Variants in ALK observed in about 807,000 individuals in gnomAD.
The protein encoded by ALK is ALK tyrosine kinase receptor.
In ALK, 74 loss-of-function variants were observed where a neutral mutation model predicts 163.1. The observed-to-expected ratio is 0.45, with a 90% CI of 0.38 to 0.55. The LOEUF (loss-of-function observed/expected upper bound fraction) is 0.55. Among genes scored for constraint, ALK ranks in the 20% least tolerant of loss-of-function variants. The pLI is 0.00. For synonymous variants in ALK, 960 were observed against 843.2 expected, an observed-to-expected ratio of 1.14 and a Z score of -2.40; for missense variants, 2,063 against 2,105.3, an observed-to-expected ratio of 0.98 and a Z score of 0.39.
intron 1 of ALK, among the ~76,000 whole-genome samples, chr2:29,796,231 C>T (rs1248301357): frequency 6.6e-6 from 1 of 152,156 alleles, no homozygotes; most frequent in Admixed American, 6.5e-5. Flanking sequence ...GTCTCTGTGG[C>T]TGTCTTCTTA....
chr2:29,497,707 G>T (rs1345586372), intron 4 of ALK, among the ~76,000 whole-genome samples: 6 of 152,204 alleles, frequency 3.9e-5, no homozygotes, highest in Non-Finnish European at 5.9e-5. Context: ...TTCCTTTTAG[G>T]TTCAATATTC....
chr2:29,680,068 A>G (rs999594341), intron 3 of ALK, among the ~76,000 whole-genome samples: 4 of 152,032 alleles, frequency 2.6e-5, no homozygotes, highest in African/African-American at 4.8e-5. Flanking sequence ...AATCATTTCA[A>G]TATTCCCTGT....
chr2:29,586,071 C>T (rs1429489452), intron 3 of ALK, among the ~76,000 whole-genome samples: 1 of 152,114 alleles, frequency 6.6e-6, no homozygotes, highest in South Asian at 2.1e-4. Context: ...TGTGTTATTA[C>T]AGTTAAAACC....
chr2:29,625,137 G>A (rs1251217338), intron 3 of ALK, among the ~76,000 whole-genome samples: 1 of 152,170 alleles, frequency 6.6e-6, no homozygotes, highest in East Asian at 1.9e-4. Context: ...AGCATCTGTA[G>A]CTATCCATTA....
intron 1 of ALK, among the ~76,000 whole-genome samples, chr2:29,730,304 T>G (rs1161079465): frequency 6.6e-6 from 1 of 152,172 alleles, no homozygotes; most frequent in Non-Finnish European, 1.5e-5. Flanking sequence ...TCTGCTCTGG[T>G]AGGCACCTTG....
At chr2:29,772,912 C>G (rs1681065959) in intron 1 of ALK, among the ~76,000 whole-genome samples, 2 of 152,192 alleles carry the variant, frequency 1.3e-5, no homozygotes, top group Non-Finnish European at 2.9e-5. Flanking sequence ...ACAAGGACTT[C>G]TGTGTAGGGG....
In ALK at chr2:29,251,008, A is replaced by G. The variant is rs1307870451; in HGVS notation, c.2204+97T>C. 3.4e-5 allele frequency: 45 copies of G among 1,313,970 alleles called. No individual in the cohort carries two copies. In the East Asian group the frequency reaches 1.0e-3, roughly 30 times the overall value. 81.4% of individuals were successfully genotyped at this position (1,313,970 alleles called of 1,614,324 possible). On this transcript the variant is annotated intron_variant, in intron 12 of 28. Coordinates refer to ENST00000389048, the MANE Select transcript of ALK (RefSeq NM_004304.5). ...GAGTCTGTTGCCTTTGAACCTTGACATGCCTGGGCACCCCAGGAACATGCA... is the reference window on the plus strand; with the variant it reads ...GAGTCTGTTGCCTTTGAACCTTGACGTGCCTGGGCACCCCAGGAACATGCA...
intron 2 of ALK, among the ~76,000 whole-genome samples, chr2:29,705,256 TATATATATATATATATATATATATAA>T (rs1449569841): frequency 0.016 from 742 of 45,144 alleles, 29 homozygotes; most frequent in African/African-American, 0.083. Context: ...TATATATATA[TATATATATATATATATATATATATAA>T]ATATATATCT....
intron 1 of ALK, among the ~76,000 whole-genome samples, chr2:29,844,811 G>T (rs1222400073): frequency 6.6e-6 from 1 of 151,748 alleles, no homozygotes; most frequent in Non-Finnish European, 1.5e-5. Flanking sequence ...GTTGCTAGCA[G>T]CAGAGATGAG....
At chr2:29,906,585 A>G (rs943055436) in intron 1 of ALK, among the ~76,000 whole-genome samples, 3 of 152,212 alleles carry the variant, frequency 2.0e-5, no homozygotes, top group Non-Finnish European at 4.4e-5. Flanking sequence ...AGTAAAAGAC[A>G]TAAGACAGAG....
intron 5 of ALK, among the ~76,000 whole-genome samples, chr2:29,346,144 C>T (rs1200468014): frequency 2.6e-5 from 4 of 152,318 alleles, no homozygotes; most frequent in South Asian, 2.1e-4. Flanking sequence ...TACATTCTGA[C>T]GACCCCAATT....
chr2:29,197,681 G>A lies in ALK; in HGVS notation c.3939-5C>T, dbSNP rs1573084845. 5 of 1,613,198 alleles carry A rather than the reference G, an allele frequency of 3.1e-6. No individual in the cohort carries two copies. The highest frequency in any genetic ancestry group is 1.1e-5 in the South Asian group (1 of 91,036). ...CATAGCAGCACTCCAAAGGACCTGG[G>A]CATGGGACAGAGGACATGGAGATGG... On this transcript the variant is annotated splice_region_variant and splice_polypyrimidine_tract_variant and intron_variant, in intron 26 of 28. Coordinates refer to ENST00000389048, the MANE Select transcript of ALK (RefSeq NM_004304.5).
chr2:29,216,511 C>T (rs763041209), intron 23 of ALK, among the ~76,000 whole-genome samples: 1 of 152,118 alleles, frequency 6.6e-6, no homozygotes, highest in African/African-American at 2.4e-5. Flanking sequence ...TGTTATGGCC[C>T]CCTGTCCTTG....
At chr2:29,244,217 G>C (rs1664595043) in intron 12 of ALK, among the ~76,000 whole-genome samples, 1 of 152,128 alleles carries the variant, frequency 6.6e-6, no homozygotes, top group South Asian at 2.1e-4. Flanking sequence ...TCCTGCTCTG[G>C]GCTCTGCCTT....
At chr2:29,732,246 G>A (rs1260091595) in intron 1 of ALK, among the ~76,000 whole-genome samples, 1 of 152,198 alleles carries the variant, frequency 6.6e-6, no homozygotes, top group African/African-American at 2.4e-5. Flanking sequence ...GGGGTCGCTT[G>A]CAAATAGTAG....
chr2:29,749,972 G>A (rs1281866272), intron 1 of ALK, among the ~76,000 whole-genome samples: 1 of 152,210 alleles, frequency 6.6e-6, no homozygotes, highest in East Asian at 1.9e-4. Context: ...CTCAAGAGCA[G>A]CATTAGCCAG....
At chr2:29,609,410 C>T (rs1161254181) in intron 3 of ALK, among the ~76,000 whole-genome samples, 1 of 152,106 alleles carries the variant, frequency 6.6e-6, no homozygotes, top group Non-Finnish European at 1.5e-5. Context: ...GACAACTCTA[C>T]CCAATCCTGG....
At chr2:29,615,418 G>A (rs1675813919) in intron 3 of ALK, among the ~76,000 whole-genome samples, 1 of 152,140 alleles carries the variant, frequency 6.6e-6, no homozygotes, top group South Asian at 2.1e-4. Context: ...GGTTTAACCT[G>A]TCTGTGCTGT....
At position 29,207,236 on chromosome 2, in the gene ALK, C is replaced by A. The variant is rs772093140; in HGVS notation, c.3873G>T (p.Leu1291=). ...SYYRKGGCAM[L]PVKWMPPEAF... ...CCTCTGGGGGCATCCACTTAACTGG[C>A]AGCATGGCACAGCCTCCCTTTCTAT... The change falls in exon 26 of 29, where the codon CTG becomes CTT. Residue 1291 remains leucine (L), a synonymous_variant. Coordinates refer to ENST00000389048, the MANE Select transcript of ALK (RefSeq NM_004304.5). 8 of 1,614,120 alleles carry A rather than the reference C, an allele frequency of 5.0e-6. No homozygotes were observed.
Sources: allele counts gnomAD v4.1 joint callset (sites outside exome capture counted in the v4.1 genomes callset), GRCh38; gene constraint gnomAD v4.1.1; transcripts MANE v1.5; gene names NCBI Gene and HGNC (gene_info 2026-07-23, HGNC 2026-07-21).